PPM1H: variants seen among roughly 807,000 people sequenced by gnomAD.
The protein encoded by PPM1H is protein phosphatase 1H.
PPM1H carries 27 observed loss-of-function variants against 54.9 expected under a neutral mutation model. The observed-to-expected ratio is 0.49, with a 90% CI of 0.36 to 0.68. PPM1H has a LOEUF of 0.68. PPM1H is among the 30% of genes least tolerant of loss of function. PPM1H has a pLI of 0.00. For missense variants in PPM1H, 596 were observed against 667.8 expected (o/e 0.89, Z 1.19); for synonymous variants, 305 against 270.8 (o/e 1.13, Z -1.24).
intron 2 of PPM1H, among the ~76,000 whole-genome samples, chr12:62,814,568 T>A (rs1159664785): frequency 2.6e-5 from 4 of 152,186 alleles, no homozygotes; most frequent in Non-Finnish European, 5.9e-5. Context: ...TTAGAAATAG[T>A]TGTCTGAAGG....
chr12:62,802,095 C>CG lies in PPM1H; in HGVS notation c.476dup (p.Val160GlyfsTer38). ...GCTGCAGCAGGCGTGACGCCACCACCGCGGCCCCGGACCCCGCGTGCCCGT... is the reference window on the plus strand; with the variant it reads ...GCTGCAGCAGGCGTGACGCCACCACCGGCGGCCCCGGACCCCGCGTGCCCGT... On this transcript the variant is annotated frameshift_variant, in exon 3 of 10. Coordinates refer to ENST00000228705, the MANE Select transcript of PPM1H (RefSeq NM_020700.2). LOFTEE classifies it high-confidence loss of function. The CG allele has an allele frequency of 6.2e-7, 1 of 1,609,528 alleles. No homozygotes were observed. The highest frequency in any genetic ancestry group is 8.5e-7 in the Non-Finnish European group (1 of 1,177,752).
intron 5 of PPM1H, among the ~76,000 whole-genome samples, chr12:62,728,732 G>A (rs1381195009): frequency 6.6e-6 from 1 of 152,054 alleles, no homozygotes; most frequent in East Asian, 1.9e-4. Flanking sequence ...CACCTCAGCA[G>A]GGCAAGGAAA....
At chr12:62,690,940 T>C (rs1328761143) in intron 7 of PPM1H, among the ~76,000 whole-genome samples, 7 of 152,154 alleles carry the variant, frequency 4.6e-5, no homozygotes, top group African/African-American at 1.7e-4. Context: ...CACTGCAGTC[T>C]AGCCTGGGTG....
intron 6 of PPM1H, among the ~76,000 whole-genome samples, chr12:62,719,584 A>G (rs2076253094): frequency 6.6e-6 from 1 of 152,232 alleles, no homozygotes; most frequent in Non-Finnish European, 1.5e-5. Flanking sequence ...CTTGATGCTT[A>G]CACAGTTGTG....
intron 5 of PPM1H, among the ~76,000 whole-genome samples, chr12:62,725,940 C>T (rs504779): frequency 6.6e-6 from 1 of 152,226 alleles, no homozygotes; most frequent in Admixed American, 6.5e-5. Context: ...TCTGATTTTT[C>T]TTCCTCTGTT....
intron 8 of PPM1H, among the ~76,000 whole-genome samples, chr12:62,686,677 G>A (rs894440400): frequency 6.6e-6 from 1 of 152,226 alleles, no homozygotes; most frequent in Non-Finnish European, 1.5e-5. Flanking sequence ...TTGCTATGAG[G>A]ACTCAAGAGA....
At chr12:62,891,275 A>G (rs2121080290) in intron 1 of PPM1H, among the ~76,000 whole-genome samples, 1 of 152,338 alleles carries the variant, frequency 6.6e-6, no homozygotes, top group Admixed American at 6.5e-5. Context: ...CCATAAAAGC[A>G]GCAATCATAA....
Position 62,801,963 on chromosome 12 carries a change from G to C in PPM1H, c.609C>G (p.Ser203Arg). 1 of 1,612,760 alleles carries C rather than the reference G, an allele frequency of 6.2e-7. No homozygotes were observed. Among genetic ancestry groups the C allele is most frequent in the Non-Finnish European group, 8.5e-7 (1 of 1,179,196 alleles). The change falls in exon 3 of 10, where the codon AGC (serine) becomes AGG (arginine). Residue 203 changes from serine to arginine, a missense_variant. This residue lies in a region of PPM1H where 382 missense variants were observed against 387.1 expected (regional missense o/e 0.99). Coordinates refer to ENST00000228705, the MANE Select transcript of PPM1H (RefSeq NM_020700.2). Reference sequence around the variant, plus strand: ...GGGAGGCTGCCCGGGTCAGAGTCCGGCTGTTGGCGGGCGTGTTCTCAGGCT... The same window carrying C: ...GGGAGGCTGCCCGGGTCAGAGTCCGCCTGTTGGCGGGCGTGTTCTCAGGCT... ...GEEPENTPAN[S>R]RTLTRAASLR...
At chr12:62,650,340 T>TTCTA (rs199947757) in intron 9 of PPM1H, among the ~76,000 whole-genome samples, 5,751 of 152,258 alleles carry the variant, frequency 0.038, 149 homozygotes, top group Non-Finnish European at 0.054. Context: ...GAATAATTTT[T>TTCTA]TCTATCTGTA....
rs148300433 is a variant in PPM1H at position 62,802,978 on chromosome 12, G to A, written c.412-818C>T. ...AACGCCCTTTCTCAGGTTTTCCAAC[G>A]GGAAATAAGTAGACCCATTTTCCCC... On this transcript the variant is annotated intron_variant, in intron 2 of 9. Coordinates refer to ENST00000228705, the MANE Select transcript of PPM1H (RefSeq NM_020700.2). Among the ~76,000 whole-genome samples the A allele has an allele frequency of 3.7e-3, 560 of 149,384 alleles. 1 individual carries two copies. The highest frequency in any genetic ancestry group is 0.013 in the African/African-American group (524 of 39,894).
chr12:62,910,637 T>G (rs1017549666), intron 1 of PPM1H, among the ~76,000 whole-genome samples: 1 of 152,204 alleles, frequency 6.6e-6, no homozygotes, highest in African/African-American at 2.4e-5. Flanking sequence ...TTATCCAGGC[T>G]AACACACCAT....
chr12:62,870,473 C>G (rs1869936340), intron 1 of PPM1H, among the ~76,000 whole-genome samples: 1 of 152,076 alleles, frequency 6.6e-6, no homozygotes, highest in Non-Finnish European at 1.5e-5. Flanking sequence ...AATGAGAGGA[C>G]AGCCTGAAGC....
intron 6 of PPM1H, among the ~76,000 whole-genome samples, chr12:62,714,668 T>C (rs1026762261): frequency 3.3e-5 from 5 of 152,076 alleles, no homozygotes; most frequent in African/African-American, 1.2e-4. Flanking sequence ...CAGAGCAAAG[T>C]ACACAAGGTG....
intron 1 of PPM1H, among the ~76,000 whole-genome samples, chr12:62,846,939 C>T (rs1436258062): frequency 1.3e-5 from 2 of 152,162 alleles, no homozygotes; most frequent in Non-Finnish European, 2.9e-5. Context: ...TAAGAGAATG[C>T]ATAAATGTAA....
chr12:62,839,625 C>A lies in PPM1H; in HGVS notation c.246-7346G>T, dbSNP rs11834854. Reference sequence around the variant, plus strand: ...GCCTCATGGGCATTTGAATCTGTAACCTTGCAATTAGATCTCTGTGACTTT... The same window carrying A: ...GCCTCATGGGCATTTGAATCTGTAAACTTGCAATTAGATCTCTGTGACTTT... On this transcript the variant is annotated intron_variant, in intron 1 of 9. Transcript: ENST00000228705. Among the ~76,000 whole-genome samples, 1,190 of 150,484 alleles carry A rather than the reference C, an allele frequency of 7.9e-3. 17 individuals are homozygous for A. Among genetic ancestry groups the A allele is most frequent in the African/African-American group, 0.028 (1,126 of 40,624 alleles).
intron 3 of PPM1H, among the ~76,000 whole-genome samples, chr12:62,794,075 T>G (rs2076717189): frequency 6.6e-6 from 1 of 152,190 alleles, no homozygotes; most frequent in Non-Finnish European, 1.5e-5. Flanking sequence ...TATCCAAATC[T>G]GATCCCAGTT....
intron 5 of PPM1H, among the ~76,000 whole-genome samples, chr12:62,728,418 T>A (rs1424764756): frequency 6.6e-6 from 1 of 152,058 alleles, no homozygotes; most frequent in Non-Finnish European, 1.5e-5. Flanking sequence ...CTATGGCCAC[T>A]CTCCTCTCTA....
At chr12:62,764,292 A>G (rs910743279) in intron 4 of PPM1H, among the ~76,000 whole-genome samples, 16 of 152,148 alleles carry the variant, frequency 1.1e-4, no homozygotes, top group African/African-American at 3.9e-4. Context: ...TATTGCCAGG[A>G]GGGGGATATT....
At chr12:62,763,602 C>G (rs751365804) in intron 4 of PPM1H, among the ~76,000 whole-genome samples, 1 of 152,212 alleles carries the variant, frequency 6.6e-6, no homozygotes, top group East Asian at 1.9e-4. Context: ...GTAATTAGAA[C>G]ACTTGTCAAA....
Sources: gnomAD v4.1 joint callset for allele counts (sites outside exome capture counted in the v4.1 genomes callset) on GRCh38, gnomAD v4.1.1 for gene constraint, gnomAD v4.1.1 regional missense constraint, MANE v1.5 for transcripts, NCBI Gene and HGNC (gene_info 2026-07-23, HGNC 2026-07-21) for gene names.